GLE1: variants seen among roughly 807,000 people sequenced by gnomAD.
GLE1 encodes the protein GLE1 RNA export mediator, also known as mRNA export factor GLE1.
In GLE1, 78 loss-of-function variants were observed where a neutral mutation model predicts 97.3. The ratio of observed to expected loss-of-function variants is 0.80; its 90% CI spans 0.67 to 0.97. The LOEUF (loss-of-function observed/expected upper bound fraction) is 0.97, where lower values mean the gene tolerates loss of function less well. Among genes scored for constraint, GLE1 ranks in the 50% least tolerant of loss-of-function variants. The pLI, the probability that GLE1 is intolerant of heterozygous loss-of-function variation, is 0.00. For synonymous variants in GLE1, 302 were observed against 313.4 expected (o/e 0.96, Z 0.39); for missense variants, 753 against 857.5 (o/e 0.88, Z 1.52).
At chr9:128,525,625 T>C (rs989931670) in intron 7 of GLE1, among the ~76,000 whole-genome samples, 5 of 152,242 alleles carry the variant, frequency 3.3e-5, no homozygotes, top group Admixed American at 2.0e-4. Flanking sequence ...TGTATAACTC[T>C]AGCAGATACA....
chr9:128,514,080 G>A (rs995850798), intron 2 of GLE1, among the ~76,000 whole-genome samples: 2 of 151,552 alleles, frequency 1.3e-5, no homozygotes. Flanking sequence ...GCTCATGCCT[G>A]TAATTGTAGC....
intron 2 of GLE1, among the ~76,000 whole-genome samples, chr9:128,514,338 CAAAAAAAAA>C (rs1174493216): frequency 4.4e-5 from 4 of 91,548 alleles, no homozygotes; most frequent in Non-Finnish European, 9.2e-5. Context: ...GATCTTGTTT[CAAAAAAAAA>C]AAAAAAAAAA....
chr9:128,533,435 A>G, intron 9 of GLE1, 78 bp from the exon 10 acceptor site: 10 of 991,504 alleles, frequency 1.0e-5, no homozygotes, highest in Non-Finnish European at 1.3e-5. Flanking sequence ...CTCAAAAAAA[A>G]AAAAAAAAAA....
chr9:128,520,382 A>G (rs918949542), intron 3 of GLE1, among the ~76,000 whole-genome samples: 10 of 148,316 alleles, frequency 6.7e-5, no homozygotes, highest in Admixed American at 5.4e-4. Flanking sequence ...ATATATGTAT[A>G]TGTGTATATA....
intron 7 of GLE1, 62 bp downstream of exon 7, chr9:128,525,485 A>G (rs1482131919): frequency 9.7e-7 from 1 of 1,033,974 alleles, no homozygotes; most frequent in East Asian, 2.6e-5. Flanking sequence ...GAGAAACAAG[A>G]GCATGTTTTG....
chr9:128,538,522 C>A (rs535447367), intron 13 of GLE1, among the ~76,000 whole-genome samples: 1 of 151,610 alleles, frequency 6.6e-6, no homozygotes, highest in Non-Finnish European at 1.5e-5. Flanking sequence ...AAAGGCCGGG[C>A]ACGGTGGCTC....
chr9:128,518,325 C>A (rs1321386054), intron 3 of GLE1, among the ~76,000 whole-genome samples: 1 of 152,158 alleles, frequency 6.6e-6, no homozygotes. Context: ...CTTTCGGAGG[C>A]CGAGGCAGGC....
Position 128,533,944 on chromosome 9 carries a change from T to C in GLE1, c.1639T>C (p.Tyr547His), listed in dbSNP as rs1564157364. 2.5e-6 allele frequency: 4 copies of C among 1,602,056 alleles called. No homozygotes were observed. The highest frequency in any genetic ancestry group is 3.4e-6 in the Non-Finnish European group (4 of 1,169,064). ...CAAGGAGGGAATGGCTTTGGAAGACTATCAGAGGTAAAGTTGTTTTTCTCC... is the reference window on the plus strand; with the variant it reads ...CAAGGAGGGAATGGCTTTGGAAGACCATCAGAGGTAAAGTTGTTTTTCTCC... ...TFKEGMALED[Y>H]QRMLGYQVKD... The change falls in exon 11 of 16, where the codon TAT becomes CAT. Residue 547 changes from tyrosine (Y) to histidine (H), a missense_variant. Physicochemically the swap from Tyr to His is moderately conservative, Grantham distance 83. Transcript: ENST00000309971.
At chr9:128,523,223 A>G (rs1161086982) in intron 4 of GLE1, 57 bp from the exon 5 acceptor site, 9 of 1,303,974 alleles carry the variant, frequency 6.9e-6, no homozygotes, top group Non-Finnish European at 1.0e-5. Flanking sequence ...AAAGAAAGAA[A>G]GAAAAACAAT....
Position 128,525,232 on chromosome 9 carries a change from G to A in GLE1, c.938G>A (p.Arg313Gln), listed in dbSNP as rs200836067. The A allele has an allele frequency of 3.3e-5, 54 of 1,613,928 alleles. No homozygotes were observed. Among genetic ancestry groups the A allele is most frequent in the South Asian group, 2.7e-4 (25 of 91,082 alleles). ...GCAGAGAGTCAAGCTGAGGCTGAGCGAGCTCTGCGGGAAATGCGGGACCTC... is the reference window on the plus strand; with the variant it reads ...GCAGAGAGTCAAGCTGAGGCTGAGCAAGCTCTGCGGGAAATGCGGGACCTC... ...PTAESQAEAE[R>Q]ALREMRDLLM... The change falls in exon 7 of 16, where the codon CGA (arginine) becomes CAA (glutamine). Residue 313 changes from arginine (R) to glutamine (Q), a missense_variant. Physicochemically the swap from Arg to Gln is conservative, Grantham distance 43. Transcript: ENST00000309971.
chr9:128,535,815 C>CA (rs1266256631), intron 11 of GLE1, among the ~76,000 whole-genome samples: 14 of 142,240 alleles, frequency 9.8e-5, no homozygotes, highest in Non-Finnish European at 1.7e-4. Flanking sequence ...AATTCCATCT[C>CA]AAAAAAAAAA....
chr9:128,540,590 T>A (rs1589081125), intron 15 of GLE1: 3 of 506,148 alleles, frequency 5.9e-6, no homozygotes, highest in Non-Finnish European at 7.1e-6. Context: ...TTAGTGTATC[T>A]CCTCTCATTA....
At chr9:128,539,751 C>T in intron 14 of GLE1, 53 bp downstream of exon 14, 4 of 1,613,604 alleles carry the variant, frequency 2.5e-6, no homozygotes, top group South Asian at 1.1e-5. Context: ...ATAACCAGGC[C>T]TCAGATACCC....
chr9:128,504,699 T>TGC (rs1589036487), upstream of GLE1: 2 of 817,372 alleles, frequency 2.4e-6, no homozygotes, highest in Admixed American at 1.7e-5. Context: ...GGGGCTGTGC[T>TGC]GCGCGCGCGT....
At chr9:128,511,657 G>T (rs908024313) in intron 2 of GLE1, among the ~76,000 whole-genome samples, 1 of 149,530 alleles carries the variant, frequency 6.7e-6, no homozygotes, top group Admixed American at 6.7e-5. Flanking sequence ...AGTGAGCTGA[G>T]ATTGCGCCAC....
intron 6 of GLE1, among the ~76,000 whole-genome samples, chr9:128,524,769 G>A (rs953345952): frequency 2.6e-5 from 4 of 151,752 alleles, no homozygotes; most frequent in African/African-American, 9.7e-5. Flanking sequence ...ACGCACACCT[G>A]TAATCCCAGC....
At position 128,508,933 on chromosome 9, in the gene GLE1, G is replaced by A; in HGVS notation, c.157G>A (p.Val53Ile). 3 of 1,612,036 alleles carry A rather than the reference G, an allele frequency of 1.9e-6. No individual in the cohort carries two copies. The highest frequency in any genetic ancestry group is 2.5e-6 in the Non-Finnish European group (3 of 1,178,132). Residue 53 changes from valine (V) to isoleucine (I), a missense_variant, in exon 2 of 16, where the codon GTA becomes ATA. By Grantham distance (29) the Val-to-Ile change is conservative. Transcript: ENST00000309971. ...PKLSSYSGWV[V>I]EHVLPHMQEN... The stretch of plus-strand genomic sequence containing the variant: ...GCTATCTTCTTATTCTGGATGGGTG[G>A]TAGAGCACGTCCTACCCCATATGCA...
At chr9:128,529,125 C>A (rs1177094188) in intron 9 of GLE1, 2 of 152,228 alleles carry the variant, frequency 1.3e-5, no homozygotes, top group Non-Finnish European at 2.9e-5. Flanking sequence ...AATAACATAT[C>A]ACTTTTTGGA....
At chr9:128,539,986 A>G (rs1463532282) in intron 14 of GLE1, 18 of 758,700 alleles carry the variant, frequency 2.4e-5, no homozygotes, top group Non-Finnish European at 3.7e-5. Flanking sequence ...TTGGGAGGCC[A>G]CAGGAGGAGG....
Sources: gnomAD v4.1 joint callset for allele counts (sites outside exome capture counted in the v4.1 genomes callset) on GRCh38, gnomAD v4.1.1 for gene constraint, MANE v1.5 for transcripts, NCBI Gene and HGNC (gene_info 2026-07-23, HGNC 2026-07-21) for gene names.